Variants in CNTN5 observed in about 807,000 individuals in gnomAD.
CNTN5 encodes the protein contactin-5.
In CNTN5, 77 loss-of-function variants were observed where a neutral mutation model predicts 129.1. The ratio of observed to expected loss-of-function variants is 0.60; its 90% CI spans 0.50 to 0.72. CNTN5 has a LOEUF of 0.72. Among genes scored for constraint, CNTN5 ranks in the 30% least tolerant of loss-of-function variants. CNTN5 has a pLI of 0.00. For missense variants in CNTN5, 1,478 were observed against 1,328.8 expected, an observed-to-expected ratio of 1.11 and a Z score of -1.75; for synonymous variants, 509 against 465.6, an observed-to-expected ratio of 1.09 and a Z score of -1.20.
intron 1 of CNTN5, among the ~76,000 whole-genome samples, chr11:99,309,296 T>G (rs1383239971): frequency 6.6e-6 from 1 of 152,000 alleles, no homozygotes; most frequent in Admixed American, 6.6e-5. Context: ...CATGGATCCT[T>G]CCTTAAAAAA....
At position 99,779,617 on chromosome 11, in the gene CNTN5, C is replaced by G. The variant is rs192315786; in HGVS notation, c.56-39927C>G. Among the ~76,000 whole-genome samples the G allele has an allele frequency of 6.6e-5, 10 of 151,980 alleles. No individual in the cohort carries two copies. In the East Asian group the frequency reaches 2.0e-3, roughly 30 times the overall value. On this transcript the variant is annotated intron_variant, in intron 3 of 24. Transcript: ENST00000524871. ...AAGGGCTTTACATGAAGAATTTCTT[C>G]AAATTCTAACAGTAACACTATGAGG...
intron 3 of CNTN5, among the ~76,000 whole-genome samples, chr11:99,796,350 G>T (rs953246000): frequency 3.9e-5 from 6 of 152,094 alleles, no homozygotes; most frequent in African/African-American, 9.7e-5. Context: ...ATCCATTGGG[G>T]AGGGGAGGTG....
intron 1 of CNTN5, among the ~76,000 whole-genome samples, chr11:99,288,004 C>T (rs1369199569): frequency 6.6e-6 from 1 of 151,994 alleles, no homozygotes; most frequent in East Asian, 1.9e-4. Flanking sequence ...TTATCCTCCT[C>T]TTCACTTTGG....
At chr11:99,793,321 A>T (rs1326887161) in intron 3 of CNTN5, among the ~76,000 whole-genome samples, 1 of 152,132 alleles carries the variant, frequency 6.6e-6, no homozygotes. Flanking sequence ...GGCCTCCCAA[A>T]GTGCTGGGAT....
chr11:99,814,577 G>GAA (rs148166621), intron 3 of CNTN5, among the ~76,000 whole-genome samples: 1 of 151,918 alleles, frequency 6.6e-6, no homozygotes, highest in Non-Finnish European at 1.5e-5. Context: ...GTTAGCCTGG[G>GAA]AAAAAAACAG....
chr11:99,516,793 T>TA (rs1245993368), intron 2 of CNTN5, among the ~76,000 whole-genome samples: 10 of 152,158 alleles, frequency 6.6e-5, no homozygotes, highest in Non-Finnish European at 1.3e-4. Context: ...ATGTTAGTAT[T>TA]AAAAATGTAA....
At chr11:99,727,621 G>T (rs1444010811) in intron 3 of CNTN5, among the ~76,000 whole-genome samples, 1 of 151,680 alleles carries the variant, frequency 6.6e-6, no homozygotes, top group South Asian at 2.1e-4. Context: ...TCAATTAAGG[G>T]AAGGAAATTA....
chr11:100,058,489 A>C (rs1943330155), intron 9 of CNTN5, among the ~76,000 whole-genome samples: 1 of 152,098 alleles, frequency 6.6e-6, no homozygotes, highest in Non-Finnish European at 1.5e-5. Flanking sequence ...CTCACCTCTG[A>C]ATATATGCAA....
At chr11:99,832,657 G>T (rs1257576696) in intron 4 of CNTN5, among the ~76,000 whole-genome samples, 2 of 151,928 alleles carry the variant, frequency 1.3e-5, no homozygotes, top group Non-Finnish European at 2.9e-5. Context: ...TAAGATACTT[G>T]GTGCAAAAAT....
At chr11:99,925,716 G>A (rs551058089) in intron 7 of CNTN5, among the ~76,000 whole-genome samples, 2 of 151,792 alleles carry the variant, frequency 1.3e-5, no homozygotes, top group Non-Finnish European at 2.9e-5. Context: ...TTTGTTTTGT[G>A]GGTTTTTTTT....
intron 7 of CNTN5, among the ~76,000 whole-genome samples, chr11:99,946,231 G>A (rs1950551071): frequency 6.6e-6 from 1 of 152,046 alleles, no homozygotes; most frequent in African/African-American, 2.4e-5. Context: ...ATAATATTGT[G>A]TAACTCTCCT....
At chr11:99,156,211 A>C (rs1441956620) in intron 1 of CNTN5, among the ~76,000 whole-genome samples, 1 of 152,080 alleles carries the variant, frequency 6.6e-6, no homozygotes, top group Non-Finnish European at 1.5e-5. Context: ...ACAGTAAGAA[A>C]AATCTTATAA....
At chr11:99,773,016 G>T (rs1944997843) in intron 3 of CNTN5, among the ~76,000 whole-genome samples, 1 of 151,856 alleles carries the variant, frequency 6.6e-6, no homozygotes, top group East Asian at 1.9e-4. Context: ...TACTTATTAT[G>T]CACAGGTGGT....
At chr11:100,042,271 C>G (rs1273728260) in intron 9 of CNTN5, among the ~76,000 whole-genome samples, 2 of 150,924 alleles carry the variant, frequency 1.3e-5, no homozygotes, top group Non-Finnish European at 3.0e-5. Context: ...AAAAAAAAAG[C>G]CTTTGTCTCA....
intron 9 of CNTN5, among the ~76,000 whole-genome samples, chr11:100,016,714 T>A (rs922650340): frequency 1.3e-5 from 2 of 151,978 alleles, no homozygotes; most frequent in African/African-American, 2.4e-5. Flanking sequence ...TGTAAGCATG[T>A]TTATGTATGC....
chr11:99,277,561 A>G (rs1863498210), intron 1 of CNTN5, among the ~76,000 whole-genome samples: 1 of 151,558 alleles, frequency 6.6e-6, no homozygotes, highest in African/African-American at 2.4e-5. Flanking sequence ...TTTCTGGGAC[A>G]TTGTGTTTGT....
At chr11:99,662,115 T>C (rs557707437) in intron 3 of CNTN5, among the ~76,000 whole-genome samples, 6 of 152,182 alleles carry the variant, frequency 3.9e-5, no homozygotes, top group Admixed American at 2.6e-4. Context: ...CATTTTTTAA[T>C]AATTTTCTAC....
intron 2 of CNTN5, among the ~76,000 whole-genome samples, chr11:99,471,997 C>T (rs1945195490): frequency 1.3e-5 from 2 of 151,980 alleles, no homozygotes; most frequent in African/African-American, 2.4e-5. Context: ...ATATTATCTG[C>T]TTAAAATTTA....
At chr11:99,394,496 A>G (rs1941419462) in intron 2 of CNTN5, among the ~76,000 whole-genome samples, 2 of 150,958 alleles carry the variant, frequency 1.3e-5, no homozygotes, top group African/African-American at 4.8e-5. Flanking sequence ...GGTTTATGAG[A>G]AACTATTATA....
Sources: allele counts gnomAD v4.1 joint callset (sites outside exome capture counted in the v4.1 genomes callset), GRCh38; gene constraint gnomAD v4.1.1; transcripts MANE v1.5; gene names NCBI Gene and HGNC (gene_info 2026-07-23, HGNC 2026-07-21).